Variants in PPM1L observed in about 807,000 individuals in gnomAD.
PPM1L encodes the protein protein phosphatase, Mg2+/Mn2+ dependent 1L, also known as protein phosphatase 1L.
A neutral mutation model predicts 31.4 loss-of-function variants in PPM1L; 13 were observed. That is an observed-to-expected ratio of 0.41 (90% confidence interval 0.27 to 0.66). The LOEUF (loss-of-function observed/expected upper bound fraction) is 0.66, where lower values mean the gene tolerates loss of function less well. Among genes scored for constraint, PPM1L ranks in the 30% least tolerant of loss-of-function variants. The pLI is 0.29. For synonymous variants in PPM1L, 184 were observed against 175.4 expected, an observed-to-expected ratio of 1.05 and a Z score of -0.39; for missense variants, 326 against 453.7, an observed-to-expected ratio of 0.72 and a Z score of 2.56.
intron 1 of PPM1L, among the ~76,000 whole-genome samples, chr3:160,766,799 A>G (rs974255541): frequency 6.6e-6 from 1 of 150,688 alleles, no homozygotes; most frequent in Non-Finnish European, 1.5e-5. Context: ...GCCCAATTGA[A>G]TGGAACCTTA....
At chr3:161,013,311 A>T (rs1368484757) in intron 2 of PPM1L, among the ~76,000 whole-genome samples, 1 of 152,210 alleles carries the variant, frequency 6.6e-6, no homozygotes. Context: ...CAGGTTGTTC[A>T]GTTCCCATGT....
intron 1 of PPM1L, among the ~76,000 whole-genome samples, chr3:160,806,384 T>A (rs1712601551): frequency 6.6e-6 from 1 of 152,130 alleles, no homozygotes; most frequent in African/African-American, 2.4e-5. Context: ...CCTTCATTGC[T>A]CTGTACATCT....
At chr3:160,924,723 G>T (rs531156351) in intron 1 of PPM1L, among the ~76,000 whole-genome samples, 1 of 152,274 alleles carries the variant, frequency 6.6e-6, no homozygotes, top group South Asian at 2.1e-4. Context: ...AGTACCTCAT[G>T]GCCTATCAAA....
chr3:160,943,682 A>G lies in PPM1L; in HGVS notation c.400-18054A>G, dbSNP rs142939298. 4.4e-3 allele frequency among the ~76,000 whole-genome samples: 663 copies of G among 152,284 alleles called. 4 individuals carry two copies. Among genetic ancestry groups the G allele is most frequent in the African/African-American group, 0.015 (636 of 41,586 alleles). ...AGGAAAGATTTCAAACAGAATTGGC[A>G]TTTCATTTAATTGATAGTAGAAATT... On this transcript the variant is annotated intron_variant, in intron 1 of 3. Transcript: ENST00000498165.
At chr3:160,810,765 G>A (rs989136049) in intron 1 of PPM1L, among the ~76,000 whole-genome samples, 1 of 152,152 alleles carries the variant, frequency 6.6e-6, no homozygotes, top group South Asian at 2.1e-4. Context: ...ATTTTGCCTT[G>A]CATAGCAAAA....
chr3:160,944,158 C>T (rs1485838006), intron 1 of PPM1L, among the ~76,000 whole-genome samples: 1 of 151,872 alleles, frequency 6.6e-6, no homozygotes, highest in Non-Finnish European at 1.5e-5. Context: ...CTAAGCAGTT[C>T]ATTATTTTCT....
At chr3:160,786,147 C>CTGTGTGTG (rs1560106654) in intron 1 of PPM1L, among the ~76,000 whole-genome samples, 53 of 91,114 alleles carry the variant, frequency 5.8e-4, no homozygotes, top group African/African-American at 4.0e-3. Context: ...CTCTCTCTCT[C>CTGTGTGTG]TCTCTCTCTC....
chr3:161,013,006 T>A (rs1283341815), intron 2 of PPM1L, among the ~76,000 whole-genome samples: 1 of 152,216 alleles, frequency 6.6e-6, no homozygotes, highest in Admixed American at 6.5e-5. Flanking sequence ...GTTTTTTGTT[T>A]CTCTATATCT....
chr3:160,908,278 G>A (rs1713832531), intron 1 of PPM1L, among the ~76,000 whole-genome samples: 1 of 152,126 alleles, frequency 6.6e-6, no homozygotes, highest in Admixed American at 6.6e-5. Flanking sequence ...ATGATCACAA[G>A]CATGGTGTAA....
At chr3:160,922,937 G>A (rs1314890417) in intron 1 of PPM1L, among the ~76,000 whole-genome samples, 1 of 152,150 alleles carries the variant, frequency 6.6e-6, no homozygotes, top group African/African-American at 2.4e-5. Flanking sequence ...AAAAGGGCAG[G>A]TACCTAAATA....
chr3:160,979,724 A>G (rs1319919389), intron 2 of PPM1L, among the ~76,000 whole-genome samples: 1 of 152,080 alleles, frequency 6.6e-6, no homozygotes, highest in African/African-American at 2.4e-5. Context: ...AACTTTGTCC[A>G]TGTATTTTGT....
At chr3:160,834,110 G>A (rs937172163) in intron 1 of PPM1L, among the ~76,000 whole-genome samples, 10 of 146,754 alleles carry the variant, frequency 6.8e-5, no homozygotes, top group African/African-American at 2.0e-4. Flanking sequence ...TGCAAGCTCC[G>A]CCTCCTGGGT....
At chr3:160,850,602 G>A (rs1711502625) in intron 1 of PPM1L, among the ~76,000 whole-genome samples, 1 of 152,090 alleles carries the variant, frequency 6.6e-6, no homozygotes, top group Admixed American at 6.5e-5. Flanking sequence ...AGGCTATCCA[G>A]GAGCCTCCAG....
chr3:161,051,403 C>CACACACACACACAA (rs1491153188), intron 2 of PPM1L, among the ~76,000 whole-genome samples: 5 of 147,934 alleles, frequency 3.4e-5, no homozygotes, highest in African/African-American at 1.2e-4. Flanking sequence ...CACACACACA[C>CACACACACACACAA]AACCATCCTG....
intron 2 of PPM1L, among the ~76,000 whole-genome samples, chr3:161,033,443 C>T (rs1175565685): frequency 6.6e-6 from 1 of 152,140 alleles, no homozygotes; most frequent in Non-Finnish European, 1.5e-5. Flanking sequence ...TCAAACTATA[C>T]TACAAGGCTA....
rs1701207120 is a variant in PPM1L, at chr3:161,074,340, T to C, written c.*5183T>C. The stretch of plus-strand genomic sequence containing the variant: ...TAGTTCCACAGTAGTTACTCTTGGC[T>C]GCAGAAATAGGTTTGGGAAGCTATG... On this transcript the variant is annotated 3_prime_UTR_variant, in exon 4 of 4. Coordinates refer to ENST00000498165, the MANE Select transcript of PPM1L (RefSeq NM_139245.4). 6 of 152,232 alleles carry C rather than the reference T, an allele frequency of 3.9e-5. No homozygotes were observed. Among genetic ancestry groups the C allele is most frequent in the Admixed American group, 3.9e-4 (6 of 15,286 alleles). 9.4% of individuals were successfully genotyped at this position (152,232 alleles called of 1,614,324 possible). A position where few individuals can be genotyped will look rare whatever the true frequency, so the allele number is the denominator to read the frequency against.
chr3:160,898,000 A>C (rs1363311082), intron 1 of PPM1L, among the ~76,000 whole-genome samples: 2 of 152,204 alleles, frequency 1.3e-5, no homozygotes, highest in Non-Finnish European at 2.9e-5. Flanking sequence ...TACCCTTAAT[A>C]TCATTACTAG....
chr3:160,805,996 G>T (rs186962148), intron 1 of PPM1L, among the ~76,000 whole-genome samples: 7 of 152,172 alleles, frequency 4.6e-5, no homozygotes, highest in African/African-American at 1.7e-4. Flanking sequence ...ACCACCCCCT[G>T]CCCCCTGTGA....
chr3:160,817,851 A>G (rs1193475128), intron 1 of PPM1L, among the ~76,000 whole-genome samples: 1 of 151,998 alleles, frequency 6.6e-6, no homozygotes, highest in African/African-American at 2.4e-5. Flanking sequence ...GATTGAGGTG[A>G]CAATTGGCCA....
Sources: gnomAD v4.1 joint callset for allele counts (sites outside exome capture counted in the v4.1 genomes callset) on GRCh38, gnomAD v4.1.1 for gene constraint, MANE v1.5 for transcripts, NCBI Gene and HGNC (gene_info 2026-07-23, HGNC 2026-07-21) for gene names.